NELL1: variants seen among roughly 807,000 people sequenced by gnomAD.
NELL1 encodes the protein neural EGFL like 1, also known as protein kinase C-binding protein NELL1.
In NELL1, 76 loss-of-function variants were observed where a neutral mutation model predicts 107.4. That is an observed-to-expected ratio of 0.71 (90% CI 0.59 to 0.86). The LOEUF (loss-of-function observed/expected upper bound fraction) is 0.86, where lower values mean the gene tolerates loss of function less well. Ranked by LOEUF, NELL1 falls within the 40% of genes least tolerant of loss-of-function variation. The pLI is 0.00. For synonymous variants in NELL1, 353 were observed against 341.2 expected, an observed-to-expected ratio of 1.03 and a Z score of -0.38; for missense variants, 1,024 against 1,005.5, an observed-to-expected ratio of 1.02 and a Z score of -0.25.
At chr11:20,935,633 A>C (rs906634006) in intron 9 of NELL1, 1 of 152,200 alleles carries the variant, frequency 6.6e-6, no homozygotes, top group Non-Finnish European at 1.5e-5. Flanking sequence ...GTTTGCACTT[A>C]AAAAATATGT....
intron 11 of NELL1, 70 bp from the exon 12 acceptor site, chr11:20,960,362 A>T: frequency 1.4e-6 from 2 of 1,478,566 alleles, no homozygotes; most frequent in South Asian, 1.2e-5. Context: ...AAAAAATGTT[A>T]CATACTTTAT....
At chr11:21,236,310 A>G (rs1219032749) in intron 14 of NELL1, among the ~76,000 whole-genome samples, 1 of 152,202 alleles carries the variant, frequency 6.6e-6, no homozygotes, top group African/African-American at 2.4e-5. Flanking sequence ...AACCTTGTGC[A>G]TAATGGATGC....
At chr11:20,830,055 C>T (rs753844107) in intron 3 of NELL1, among the ~76,000 whole-genome samples, 1 of 151,792 alleles carries the variant, frequency 6.6e-6, no homozygotes, top group Admixed American at 6.6e-5. Context: ...AGGTGGACCA[C>T]GAGGTCAAGA....
At chr11:21,281,000 G>A (rs1000689400) in intron 14 of NELL1, among the ~76,000 whole-genome samples, 11 of 151,556 alleles carry the variant, frequency 7.3e-5, no homozygotes, top group Admixed American at 3.3e-4. Flanking sequence ...TGCTTGCACC[G>A]TCCCTCCTCC....
intron 15 of NELL1, among the ~76,000 whole-genome samples, chr11:21,439,030 G>C (rs1015579859): frequency 6.6e-6 from 1 of 150,834 alleles, no homozygotes; most frequent in African/African-American, 2.5e-5. Context: ...ATCAGGTAAA[G>C]CTTAGAGTTG....
intron 5 of NELL1, among the ~76,000 whole-genome samples, chr11:20,889,909 G>A (rs1849583973): frequency 6.6e-6 from 1 of 152,186 alleles, no homozygotes; most frequent in African/African-American, 2.4e-5. Context: ...TGGACCAGCA[G>A]ACTTAGCCTC....
At chr11:20,697,033 A>G (rs1659121277) in intron 2 of NELL1, among the ~76,000 whole-genome samples, 1 of 152,150 alleles carries the variant, frequency 6.6e-6, no homozygotes, top group Admixed American at 6.6e-5. Context: ...ACATCCAGTT[A>G]GGTTTCAGTT....
chr11:20,903,215 G>T (rs1050459922), intron 5 of NELL1, among the ~76,000 whole-genome samples: 2 of 151,916 alleles, frequency 1.3e-5, no homozygotes, highest in African/African-American at 4.8e-5. Flanking sequence ...ATGTTTCCAA[G>T]AATGAACAGA....
intron 13 of NELL1, among the ~76,000 whole-genome samples, chr11:21,217,607 T>G (rs1857647576): frequency 6.6e-6 from 1 of 152,186 alleles, no homozygotes; most frequent in Admixed American, 6.5e-5. Flanking sequence ...CTATTATTGA[T>G]ATTTATGTGC....
chr11:20,791,531 G>A (rs1382599942), intron 3 of NELL1, among the ~76,000 whole-genome samples: 1 of 152,080 alleles, frequency 6.6e-6, no homozygotes, highest in Admixed American at 6.5e-5. Context: ...ATTGTTTTAT[G>A]TCTTCCTGTC....
At chr11:20,742,037 G>T (rs1278802283) in intron 2 of NELL1, among the ~76,000 whole-genome samples, 1 of 152,168 alleles carries the variant, frequency 6.6e-6, no homozygotes, top group Non-Finnish European at 1.5e-5. Flanking sequence ...AGCAACAAAG[G>T]GTTAGAGGAC....
chr11:21,354,726 A>T (rs929029391), intron 14 of NELL1, among the ~76,000 whole-genome samples: 3 of 152,210 alleles, frequency 2.0e-5, no homozygotes, highest in Admixed American at 1.3e-4. Context: ...GGTCCACCCG[A>T]ATTACCCAGC....
chr11:20,999,285 G>A (rs1453084499), intron 12 of NELL1, among the ~76,000 whole-genome samples: 1 of 152,130 alleles, frequency 6.6e-6, no homozygotes, highest in East Asian at 1.9e-4. Flanking sequence ...TCCTATCTAA[G>A]ATTTGGGACT....
intron 16 of NELL1, among the ~76,000 whole-genome samples, chr11:21,553,827 C>T (rs544294417): frequency 6.6e-6 from 1 of 151,816 alleles, no homozygotes; most frequent in South Asian, 2.1e-4. Flanking sequence ...AAACATAAAG[C>T]CAACATAGGC....
rs116049364 is a variant in NELL1, at chr11:20,886,461, C to T, written c.603+921C>T. 7.4e-3 allele frequency among the ~76,000 whole-genome samples: 1,114 copies of T among 151,348 alleles called. 18 individuals are homozygous for T. Among genetic ancestry groups the T allele is most frequent in the African/African-American group, 0.026 (1,079 of 41,200 alleles). ...ATGACTATAATGCTCGATAAAATACCACAAAAATATTTTAAAATTCAGCAT... is the reference window on the plus strand; with the variant it reads ...ATGACTATAATGCTCGATAAAATACTACAAAAATATTTTAAAATTCAGCAT... On this transcript the variant is annotated intron_variant, in intron 5 of 19. Transcript: ENST00000357134.
chr11:21,246,857 G>T (rs973722023), intron 14 of NELL1, among the ~76,000 whole-genome samples: 4 of 152,148 alleles, frequency 2.6e-5, no homozygotes, highest in Non-Finnish European at 5.9e-5. Flanking sequence ...CCAGAGAGGA[G>T]AAATCTCTTA....
At chr11:21,169,649 A>G in intron 13 of NELL1, 2 of 447,012 alleles carry the variant, frequency 4.5e-6, no homozygotes, top group South Asian at 3.8e-5. Flanking sequence ...TAGTATGTTT[A>G]GGCAAACCCC....
At chr11:20,696,256 CT>C (rs1231616569) in intron 2 of NELL1, among the ~76,000 whole-genome samples, 1 of 151,862 alleles carries the variant, frequency 6.6e-6, no homozygotes, top group East Asian at 1.9e-4. Context: ...TTTGGGTGGA[CT>C]TTTGAGTCTT....
intron 14 of NELL1, among the ~76,000 whole-genome samples, chr11:21,352,731 C>T (rs569905859): frequency 1.3e-5 from 2 of 152,216 alleles, no homozygotes; most frequent in East Asian, 3.9e-4. Flanking sequence ...TTGCAAACTG[C>T]TTTTCTTACG....
Sources: allele counts gnomAD v4.1 joint callset (sites outside exome capture counted in the v4.1 genomes callset), GRCh38; gene constraint gnomAD v4.1.1; transcripts MANE v1.5; gene names NCBI Gene and HGNC (gene_info 2026-07-23, HGNC 2026-07-21).